The following EMG1 variants were observed in gnomAD, a reference collection of about 807,000 sequenced individuals.
The protein encoded by EMG1 is EMG1 N1-specific pseudouridine methyltransferase.
EMG1 carries 24 observed loss-of-function variants against 26.9 expected under a neutral mutation model. That is an observed-to-expected ratio of 0.89 (90% CI 0.65 to 1.26). The LOEUF is 1.26. Ranked by LOEUF, EMG1 falls within the 50% of genes most tolerant of loss-of-function variation. The probability of loss-of-function intolerance (pLI) is 0.00; values close to 1 mark genes in which losing one functional copy is unlikely to be tolerated. For missense variants in EMG1, 299 were observed against 307.6 expected (o/e 0.97, Z 0.21); for synonymous variants, 140 against 112.6 (o/e 1.24, Z -1.54).
chr12:6,970,930 G>A lies in EMG1; in HGVS notation c.7G>A (p.Ala3Thr). 6.2e-7 allele frequency: 1 copy of A among 1,612,558 alleles called. No homozygotes were observed. Among genetic ancestry groups the A allele is most frequent in the Non-Finnish European group, 8.5e-7 (1 of 1,179,268 alleles). MA[A>T]PSDGFKPRER... ...CTTCCGGTATTGTTGCAAGATGGCC[G>A]CGCCCAGTGATGGATTCAAGCCTCG... Residue 3 changes from alanine to threonine, a missense_variant, in exon 1 of 6, where the codon GCG (alanine) becomes ACG (threonine). Coordinates refer to ENST00000599672, the MANE Select transcript of EMG1 (RefSeq NM_006331.8).
chr12:6,981,817 G>T (rs782645465), downstream of EMG1: 1 of 1,612,632 alleles, frequency 6.2e-7, no homozygotes, highest in Non-Finnish European at 8.5e-7. Context: ...TCACCAATCA[G>T]CTTCAAAGTC....
At chr12:6,982,754 A>G, downstream of EMG1, 1 of 1,613,906 alleles carries the variant, frequency 6.2e-7, no homozygotes. Context: ...GAAGCACAAT[A>G]CACAGCAGGG....
chr12:6,992,968 ATT>A (rs1475911948), downstream of EMG1, among the ~76,000 whole-genome samples: 2 of 152,104 alleles, frequency 1.3e-5, no homozygotes, highest in Admixed American at 6.5e-5. Context: ...TATATAGCAT[ATT>A]GTTTTTTATT....
chr12:6,973,868 C>G (rs781856816), intron 1 of EMG1, among the ~76,000 whole-genome samples: 1 of 152,342 alleles, frequency 6.6e-6, no homozygotes, highest in East Asian at 1.9e-4. Flanking sequence ...AGATTTGCAG[C>G]TCTTCACTTA....
At chr12:6,988,744 T>C (rs1411795337), downstream of EMG1, among the ~76,000 whole-genome samples, 3 of 152,166 alleles carry the variant, frequency 2.0e-5, no homozygotes, top group African/African-American at 7.2e-5. Context: ...CAGTGCTCAG[T>C]CCTGAGGATA....
intron 3 of EMG1, 169 bp downstream of exon 3, chr12:6,974,862 T>C (rs1946374220): frequency 5.8e-6 from 5 of 865,258 alleles, no homozygotes; most frequent in Non-Finnish European, 9.1e-6. Context: ...GAAACTCCAC[T>C]CCTGTTCTTG....
chr12:6,983,626 GC>G, downstream of EMG1: 1 of 783,562 alleles, frequency 1.3e-6, no homozygotes, highest in Middle Eastern at 2.3e-4. Flanking sequence ...ATGAAACGCA[GC>G]CCAGAGGGAG....
chr12:6,976,906 G>A lies in EMG1; in HGVS notation c.*1097G>A. On this transcript the variant is annotated 3_prime_UTR_variant, in exon 6 of 6. Transcript: ENST00000599672. The stretch of plus-strand genomic sequence containing the variant: ...GCACAGGCCACCTGCAAGACAAGAG[G>A]AGTTTGGAAGGCTGGTTAGTTACTC... The A allele has an allele frequency of 2.1e-6, 1 of 480,422 alleles. No individual in the cohort carries two copies. The highest frequency in any genetic ancestry group is 2.4e-5 in the South Asian group (1 of 41,878). The allele number at this position is 480,422 out of a possible 1,614,324, so 29.8% of individuals were successfully genotyped here.
rs782819014 is a variant in EMG1 at position 6,975,730 on chromosome 12, T to A, written c.656T>A (p.Ile219Asn). Residue 219 changes from isoleucine to asparagine, a missense_variant, in exon 6 of 6, where the codon ATC becomes AAC. Transcript: ENST00000599672. ...SVEYTEKMVS[I>N]SNYPLSAALT... ...GAGTATACAGAGAAGATGGTGTCCA[T>A]CAGTAACTACCCCCTTTCTGCTGCC... 1 of 1,613,274 alleles carries A rather than the reference T, an allele frequency of 6.2e-7. No homozygotes were observed. Among genetic ancestry groups the A allele is most frequent in the Non-Finnish European group, 8.5e-7 (1 of 1,179,300 alleles).
Position 6,978,209 on chromosome 12 carries a change from C to G in EMG1, c.*2400C>G, listed in dbSNP as rs966785470. 3.1e-5 allele frequency: 33 copies of G among 1,081,670 alleles called. No individual in the cohort carries two copies. The Admixed American group carries it at 4.1e-4, about 14-fold the overall frequency. The allele number at this position is 1,081,670 out of a possible 1,614,324, so 67.0% of individuals were successfully genotyped here. Reference sequence around the variant, plus strand: ...GGGGGGTATAGGTGGGGGTCAAAGTCAGTGTGAGCGACAGGGGGTTCTGCC... The same window carrying G: ...GGGGGGTATAGGTGGGGGTCAAAGTGAGTGTGAGCGACAGGGGGTTCTGCC... On this transcript the variant is annotated 3_prime_UTR_variant, in exon 6 of 6. Transcript: ENST00000599672.
Position 6,977,646 on chromosome 12 carries a change from G to A in EMG1, c.*1837G>A. ...GGAATTCCATCTGGAAGCAGACCAG[G>A]TATCCTGAGTGCAGGCCGTGCCAGA... On this transcript the variant is annotated 3_prime_UTR_variant, in exon 6 of 6. Coordinates refer to ENST00000599672, the MANE Select transcript of EMG1 (RefSeq NM_006331.8). The surrounding 1 kb of genome is among the most constrained non-coding windows in gnomAD (Gnocchi z 4.5). 1 of 1,614,216 alleles carries A rather than the reference G, an allele frequency of 6.2e-7. No homozygotes were observed. Among genetic ancestry groups the A allele is most frequent in the Non-Finnish European group, 8.5e-7 (1 of 1,180,042 alleles).
chr12:6,981,933 C>T, downstream of EMG1: 3 of 1,112,738 alleles, frequency 2.7e-6, no homozygotes, highest in Non-Finnish European at 2.8e-6. Context: ...TTTATTCTAG[C>T]ATCACTACTA....
chr12:6,978,848 C>T lies in EMG1; in HGVS notation c.*3039C>T. 1 of 994,522 alleles carries T rather than the reference C, an allele frequency of 1.0e-6. No homozygotes were observed. The highest frequency in any genetic ancestry group is 1.4e-6 in the Non-Finnish European group (1 of 690,246). The allele number at this position is 994,522 out of a possible 1,614,324, so 61.6% of individuals were successfully genotyped here. On this transcript the variant is annotated 3_prime_UTR_variant, in exon 6 of 6. Coordinates refer to ENST00000599672, the MANE Select transcript of EMG1 (RefSeq NM_006331.8). ...CTGGCCTGATTGCCTTCACAATAGG[C>T]AGAGAGGAATAAGCAGAGGGCCTGG...
intron 1 of EMG1, among the ~76,000 whole-genome samples, chr12:6,971,877 A>G (rs781812015): frequency 1.6e-4 from 24 of 152,244 alleles, no homozygotes; most frequent in African/African-American, 5.3e-4. Context: ...AAACTTTTAC[A>G]TCTGCATTTT....
chr12:6,979,509 G>C lies in EMG1; in HGVS notation c.*3700G>C. 2 of 1,613,936 alleles carry C rather than the reference G, an allele frequency of 1.2e-6. No individual in the cohort carries two copies. The highest frequency in any genetic ancestry group is 1.7e-6 in the Non-Finnish European group (2 of 1,179,812). The stretch of plus-strand genomic sequence containing the variant: ...GTGAGGAGATAGTCTTCTGTGATGT[G>C]GGGGCTGAGCAGTGTGTAGCCCACT... On this transcript the variant is annotated 3_prime_UTR_variant, in exon 6 of 6. Transcript: ENST00000599672.
Position 6,979,672 on chromosome 12 carries a change from G to A in EMG1, c.*3863G>A. On this transcript the variant is annotated 3_prime_UTR_variant, in exon 6 of 6. Transcript: ENST00000599672. ...CAGTTATGGAGAGGAGTGTTTAGGGGTGTGGTTGTCTACCTGGAATGGGAT... is the reference window on the plus strand; with the variant it reads ...CAGTTATGGAGAGGAGTGTTTAGGGATGTGGTTGTCTACCTGGAATGGGAT... 1.2e-6 allele frequency: 1 copy of A among 853,954 alleles called. No individual in the cohort carries two copies. The highest frequency in any genetic ancestry group is 1.9e-6 in the Non-Finnish European group (1 of 514,742). The allele number at this position is 853,954 out of a possible 1,614,324, so 52.9% of individuals were successfully genotyped here.
chr12:6,972,991 C>G (rs923536010), intron 1 of EMG1, among the ~76,000 whole-genome samples: 2 of 150,008 alleles, frequency 1.3e-5, no homozygotes, highest in African/African-American at 4.9e-5. Flanking sequence ...GCAAATGGCA[C>G]TGCGCCTGGC....
chr12:6,974,568 T>C lies in EMG1; in HGVS notation c.287T>C (p.Met96Thr). 6.2e-7 allele frequency: 1 copy of C among 1,613,854 alleles called. No individual in the cohort carries two copies. Among genetic ancestry groups the C allele is most frequent in the Non-Finnish European group, 8.5e-7 (1 of 1,179,742 alleles). ...TTTGCTCAGAGTTTGCTGATGCTGA[T>C]GGATAGTCCCCTGAACCGAGCTGGC... ...DITHQSLLML[M>T]DSPLNRAGLL... Residue 96 changes from methionine to threonine, a missense_variant, in exon 3 of 6, where the codon ATG becomes ACG. Met to Thr is a moderately conservative substitution (Grantham distance 81). Transcript: ENST00000599672.
At position 6,974,571 on chromosome 12, in the gene EMG1, A is replaced by C; in HGVS notation, c.290A>C (p.Asp97Ala). ...GCTCAGAGTTTGCTGATGCTGATGG[A>C]TAGTCCCCTGAACCGAGCTGGCTTG... ...ITHQSLLMLM[D>A]SPLNRAGLLQ... The change falls in exon 3 of 6, where the codon GAT (aspartate) becomes GCT (alanine). Residue 97 changes from aspartate (D) to alanine (A), a missense_variant. Coordinates refer to ENST00000599672, the MANE Select transcript of EMG1 (RefSeq NM_006331.8). 1 of 1,613,866 alleles carries C rather than the reference A, an allele frequency of 6.2e-7. No homozygotes were observed. Among genetic ancestry groups the C allele is most frequent in the Non-Finnish European group, 8.5e-7 (1 of 1,179,796 alleles).
Sources: allele counts gnomAD v4.1 joint callset (sites outside exome capture counted in the v4.1 genomes callset), GRCh38; gene constraint gnomAD v4.1.1; non-coding constraint Gnocchi (gnomAD v3.1); transcripts MANE v1.5; gene names NCBI Gene and HGNC (gene_info 2026-07-23, HGNC 2026-07-21).